The following PAPSS2 variants were observed in gnomAD, a reference collection of about 807,000 sequenced individuals.
PAPSS2 encodes 3'-phosphoadenosine 5'-phosphosulfate synthase 2.
Under a neutral mutation model 66.5 loss-of-function variants are expected in PAPSS2, and 61 were observed. The ratio of observed to expected loss-of-function variants is 0.92; its 90% CI spans 0.75 to 1.14. The LOEUF (loss-of-function observed/expected upper bound fraction) is 1.14, where lower values mean the gene tolerates loss of function less well. Among genes scored for constraint, PAPSS2 ranks in the 50% most tolerant of loss-of-function variants. The pLI is 0.00. For synonymous variants in PAPSS2, 289 were observed against 287.5 expected (o/e 1.01, Z -0.05); for missense variants, 708 against 789.6 (o/e 0.90, Z 1.24).
chr10:87,734,663 GTATATATATA>G (rs66686947), intron 9 of PAPSS2, among the ~76,000 whole-genome samples: 1,052 of 81,094 alleles, frequency 0.013, 14 homozygotes, highest in African/African-American at 0.023. Context: ...GAATGTGTGT[GTATATATATA>G]TATATATATA....
In PAPSS2 at chr10:87,719,464, G is replaced by C. The variant is rs116891310; in HGVS notation, c.866-2292G>C. Among the ~76,000 whole-genome samples the C allele has an allele frequency of 3.0e-4, 45 of 152,300 alleles. No individual in the cohort carries two copies. The East Asian group carries it at 8.7e-3, about 29-fold the overall frequency. On this transcript the variant is annotated intron_variant, in intron 7 of 12. Transcript: ENST00000456849. ...TTATGAACAAACCACTCTGCATACAGTTAAAAGAATTTGTCAGGCATGGTG... is the reference window on the plus strand; with the variant it reads ...TTATGAACAAACCACTCTGCATACACTTAAAAGAATTTGTCAGGCATGGTG...
chr10:87,689,683 G>A (rs202032773), intron 1 of PAPSS2, among the ~76,000 whole-genome samples: 18,506 of 95,922 alleles, frequency 0.19, 1,493 homozygotes, highest in East Asian at 0.26. Flanking sequence ...AAAAAAAAAA[G>A]AAAAAAAAAA....
rs139196886 is a variant in PAPSS2, at chr10:87,741,738, G to T, written c.1222+368G>T. ...ATTCCCTTACCACCCTCTGATTAAA[G>T]AATTAAGGATACCAGGAGTCAGCAT... On this transcript the variant is annotated intron_variant, in intron 10 of 12. Transcript: ENST00000456849. Among the ~76,000 whole-genome samples, 9 of 149,254 alleles carry T rather than the reference G, an allele frequency of 6.0e-5. No individual in the cohort carries two copies. The East Asian group carries it at 1.8e-3, about 30-fold the overall frequency.
chr10:87,741,544 A>G (rs888657454), intron 10 of PAPSS2, among the ~76,000 whole-genome samples, 174 bp downstream of exon 10: 2 of 151,840 alleles, frequency 1.3e-5, no homozygotes, highest in African/African-American at 4.8e-5. Flanking sequence ...ACAGGTGCCC[A>G]CCACTACGCC....
At position 87,713,313 on chromosome 10, in the gene PAPSS2, A is replaced by G. The variant is rs773039134; in HGVS notation, c.381+3A>G. 6.1e-6 allele frequency: 2 copies of G among 325,654 alleles called. No homozygotes were observed. The highest frequency in any genetic ancestry group is 4.9e-6 in the Non-Finnish European group (1 of 203,804). The allele number at this position is 325,654 out of a possible 1,614,324, so 20.2% of individuals were successfully genotyped here. On this transcript the variant is annotated splice_donor_region_variant and intron_variant, in intron 3 of 12. Transcript: ENST00000456849. Reference sequence around the variant, plus strand: ...GCTTTATTTCTCCATTCGCAAAGGTAAAAAAAAAAAAAAAAAAAAAAGGCA... The same window carrying G: ...GCTTTATTTCTCCATTCGCAAAGGTGAAAAAAAAAAAAAAAAAAAAAGGCA...
intron 1 of PAPSS2, among the ~76,000 whole-genome samples, chr10:87,695,131 G>A (rs989427801): frequency 2.4e-5 from 3 of 123,922 alleles, no homozygotes; most frequent in South Asian, 5.9e-4. Flanking sequence ...CCATACCCTG[G>A]TGGCTTATAA....
At chr10:87,724,205 T>A (rs941188231) in intron 8 of PAPSS2, among the ~76,000 whole-genome samples, 3 of 151,058 alleles carry the variant, frequency 2.0e-5, no homozygotes, top group Admixed American at 1.3e-4. Flanking sequence ...AGCCCCAGAC[T>A]GAAAACCAAC....
intron 1 of PAPSS2, among the ~76,000 whole-genome samples, chr10:87,698,082 C>A (rs1853257253): frequency 6.6e-6 from 1 of 152,126 alleles, no homozygotes; most frequent in Admixed American, 6.5e-5. Flanking sequence ...TAAAAAGATG[C>A]CGTAAGTATG....
intron 2 of PAPSS2, among the ~76,000 whole-genome samples, chr10:87,712,843 T>G (rs1405664828): frequency 2.0e-5 from 3 of 152,100 alleles, no homozygotes; most frequent in Non-Finnish European, 4.4e-5. Flanking sequence ...CAAATCTCCC[T>G]ATTTATGAAG....
chr10:87,741,417 T>C (rs759004547), intron 10 of PAPSS2, 47 bp downstream of exon 10: 20 of 1,525,566 alleles, frequency 1.3e-5, no homozygotes, highest in Non-Finnish European at 1.6e-5. Flanking sequence ...TTTATTGAGA[T>C]GGTGTCTTGT....
At chr10:87,732,941 T>C (rs1853747605) in intron 9 of PAPSS2, among the ~76,000 whole-genome samples, 1 of 152,232 alleles carries the variant, frequency 6.6e-6, no homozygotes, top group East Asian at 1.9e-4. Flanking sequence ...CCACTCACCC[T>C]GCAGACATTT....
Position 87,741,235 on chromosome 10 carries a change from A to G in PAPSS2, c.1087A>G (p.Met363Val). 4.3e-6 allele frequency: 7 copies of G among 1,613,668 alleles called. No homozygotes were observed. Among genetic ancestry groups the G allele is most frequent in the Non-Finnish European group, 5.9e-6 (7 of 1,179,566 alleles). The change falls in exon 10 of 13, where the codon ATG becomes GTG. Residue 363 changes from methionine (M) to valine (V), a missense_variant and splice_region_variant. Physicochemically the swap from Met to Val is conservative, Grantham distance 21. Transcript: ENST00000456849. ...TTCTKHPHIK[M>V]VMESGDWLVG... ...GCAATCATAACAATGTTCTTTCTAG[A>G]TGGTGATGGAAAGTGGGGACTGGCT...
chr10:87,706,521 C>T (rs1180091556), intron 1 of PAPSS2, among the ~76,000 whole-genome samples: 1 of 149,552 alleles, frequency 6.7e-6, no homozygotes, highest in African/African-American at 2.5e-5. Context: ...CTTTGGAAGG[C>T]TGAGGTGGGA....
At chr10:87,691,913 C>A (rs1338564669) in intron 1 of PAPSS2, among the ~76,000 whole-genome samples, 1 of 152,000 alleles carries the variant, frequency 6.6e-6, no homozygotes, top group African/African-American at 2.4e-5. Flanking sequence ...GCACTGCAGC[C>A]TGTGTGACAG....
At position 87,714,752 on chromosome 10, in the gene PAPSS2, A is replaced by G; in HGVS notation, c.528A>G (p.Thr176=). Residue 176 remains threonine (T), a synonymous_variant, in exon 5 of 13, where the codon ACA becomes ACG. Transcript: ENST00000456849. The part of the protein sequence containing the change: ...RARAGEIKGF[T]GIDSDYEKPE... ...CACCCATATGCTTTGCAGGATTTAC[A>G]GGTATTGATTCTGATTATGAGAAAC... The G allele has an allele frequency of 6.3e-7, 1 of 1,583,196 alleles. No individual in the cohort carries two copies. Among genetic ancestry groups the G allele is most frequent in the Non-Finnish European group, 8.7e-7 (1 of 1,151,886 alleles).
chr10:87,688,591 C>G (rs1300834282), intron 1 of PAPSS2, among the ~76,000 whole-genome samples: 2 of 151,998 alleles, frequency 1.3e-5, no homozygotes, highest in South Asian at 2.1e-4. Flanking sequence ...TCCCCAGTAG[C>G]TGGGACTACA....
intron 8 of PAPSS2, among the ~76,000 whole-genome samples, chr10:87,724,839 A>C (rs1853639092): frequency 1.8e-5 from 1 of 54,690 alleles, no homozygotes; most frequent in Non-Finnish European, 3.3e-5. Flanking sequence ...GTATACAATA[A>C]ATCTCTGTCT....
chr10:87,695,085 G>A (rs11202516), intron 1 of PAPSS2, among the ~76,000 whole-genome samples: 164 of 152,356 alleles, frequency 1.1e-3, no homozygotes, highest in African/African-American at 3.9e-3. Flanking sequence ...GAAATGCAAC[G>A]ATGTCTTAGT....
intron 9 of PAPSS2, among the ~76,000 whole-genome samples, chr10:87,737,433 G>T (rs1489857362): frequency 6.6e-6 from 1 of 152,126 alleles, no homozygotes; most frequent in Non-Finnish European, 1.5e-5. Flanking sequence ...CTTCTTGTAA[G>T]TGTGCAACTC....
Sources: gnomAD v4.1 joint callset for allele counts (sites outside exome capture counted in the v4.1 genomes callset) on GRCh38, gnomAD v4.1.1 for gene constraint, MANE v1.5 for transcripts, NCBI Gene and HGNC (gene_info 2026-07-23, HGNC 2026-07-21) for gene names.